DESI1: variants seen among roughly 807,000 people sequenced by gnomAD.
The protein encoded by DESI1 is desumoylating isopeptidase 1.
Under a neutral mutation model 22.4 loss-of-function variants are expected in DESI1, and 17 were observed. The ratio of observed to expected loss-of-function variants is 0.76; its 90% CI spans 0.52 to 1.14. The LOEUF (loss-of-function observed/expected upper bound fraction) is 1.14. Among genes scored for constraint, DESI1 ranks in the 50% most tolerant of loss-of-function variants. The pLI is 0.00. For missense variants in DESI1, 177 were observed against 208.9 expected (o/e 0.85, Z 0.94); for synonymous variants, 92 against 84.2 (o/e 1.09, Z -0.51).
At chr22:41,614,818 C>T (rs1336407676) in intron 1 of DESI1, among the ~76,000 whole-genome samples, 1 of 151,126 alleles carries the variant, frequency 6.6e-6, no homozygotes, top group Non-Finnish European at 1.5e-5. Flanking sequence ...CTCCTGACCT[C>T]AGGTGATCCA....
At chr22:41,619,398 CAA>C (rs2067569576) in intron 1 of DESI1, among the ~76,000 whole-genome samples, 4 of 152,166 alleles carry the variant, frequency 2.6e-5, no homozygotes, top group African/African-American at 9.7e-5. Flanking sequence ...CAGTTTACAG[CAA>C]AGTTTCTCTT....
intron 1 of DESI1, among the ~76,000 whole-genome samples, chr22:41,617,632 C>G (rs938139866): frequency 7.9e-5 from 12 of 152,158 alleles, no homozygotes; most frequent in African/African-American, 2.7e-4. Context: ...ACTAGCTTTG[C>G]TAATTCTTTC....
At chr22:41,617,692 A>G (rs2067558864) in intron 1 of DESI1, among the ~76,000 whole-genome samples, 1 of 152,276 alleles carries the variant, frequency 6.6e-6, no homozygotes, top group African/African-American at 2.4e-5. Context: ...AAAGAGGTAG[A>G]GAAGACAGAA....
At chr22:41,610,865 C>G (rs111545210) in intron 1 of DESI1, among the ~76,000 whole-genome samples, 1,890 of 116,328 alleles carry the variant, frequency 0.016, 36 homozygotes, top group African/African-American at 0.051. Context: ...AAGAGCGAAA[C>G]TCTGTCTCAA....
chr22:41,616,174 C>T (rs918193605), intron 1 of DESI1, among the ~76,000 whole-genome samples: 4 of 151,958 alleles, frequency 2.6e-5, no homozygotes, highest in African/African-American at 7.3e-5. Flanking sequence ...ACCCAGGAGG[C>T]GGAGGTTGCA....
intron 3 of DESI1, 56 bp from the exon 4 acceptor site, chr22:41,604,209 A>C: frequency 7.1e-7 from 1 of 1,410,572 alleles, no homozygotes; most frequent in Non-Finnish European, 9.9e-7. Flanking sequence ...TGAATGTTTT[A>C]ATGTGGCTTC....
chr22:41,607,409 G>A, intron 2 of DESI1, 78 bp from the exon 3 acceptor site: 2 of 1,397,388 alleles, frequency 1.4e-6, no homozygotes, highest in Non-Finnish European at 1.9e-6. Context: ...TGCAATGAGA[G>A]TAATTTCTGC....
chr22:41,602,938 T>A, intron 5 of DESI1: 1 of 598,630 alleles, frequency 1.7e-6, no homozygotes, highest in Non-Finnish European at 2.4e-6. Flanking sequence ...ACTGGGTGCT[T>A]CTGGGGAGTG....
intron 1 of DESI1, among the ~76,000 whole-genome samples, chr22:41,612,319 G>T (rs1328554238): frequency 6.6e-6 from 1 of 151,890 alleles, no homozygotes; most frequent in African/African-American, 2.4e-5. Flanking sequence ...GACCAGCCTG[G>T]CCAACATGGT....
At chr22:41,607,986 G>T in intron 1 of DESI1, 125 bp from the exon 2 acceptor site, 2 of 987,392 alleles carry the variant, frequency 2.0e-6, no homozygotes, top group Non-Finnish European at 3.1e-6. Flanking sequence ...GACTTTCTAG[G>T]AATGCAAGTC....
At chr22:41,608,187 T>C (rs976850413) in intron 1 of DESI1, among the ~76,000 whole-genome samples, 1 of 152,250 alleles carries the variant, frequency 6.6e-6, no homozygotes, top group African/African-American at 2.4e-5. Flanking sequence ...AGTAAGACTA[T>C]AGTAATACAA....
intron 1 of DESI1, among the ~76,000 whole-genome samples, chr22:41,610,283 G>A (rs559454348): frequency 3.3e-5 from 5 of 151,574 alleles, no homozygotes; most frequent in East Asian, 3.9e-4. Flanking sequence ...GGAAGCTGAG[G>A]CAGGAAAATC....
Position 41,617,389 on chromosome 22 carries a change from T to C in DESI1, c.88+3363A>G, listed in dbSNP as rs1297646347. Among the ~76,000 whole-genome samples the C allele has an allele frequency of 2.6e-5, 4 of 152,196 alleles. No homozygotes were observed. In the East Asian group the frequency reaches 7.7e-4, roughly 29 times the overall value. ...ACTCAGAAAAAAAGGGTCTGACACA[T>C]GGTAAGCTCTCAATAAATAGTGGCT... is the stretch of plus-strand genomic sequence containing the variant. On this transcript the variant is annotated intron_variant, in intron 1 of 5. Transcript: ENST00000263256.
chr22:41,619,681 AT>A (rs1296967535), intron 1 of DESI1, among the ~76,000 whole-genome samples: 1 of 152,202 alleles, frequency 6.6e-6, no homozygotes, highest in Non-Finnish European at 1.5e-5. Flanking sequence ...CGGTTGTGAG[AT>A]TAAGTTCAAT....
In DESI1 at chr22:41,620,822, G is replaced by A. The variant is rs1331092531; in HGVS notation, c.18C>T (p.Leu6=). The A allele has an allele frequency of 6.2e-7, 1 of 1,611,190 alleles. No individual in the cohort carries two copies. The highest frequency in any genetic ancestry group is 1.7e-5 in the Admixed American group (1 of 59,722). The change falls in exon 1 of 6, where the codon CTC becomes CTT. Residue 6 remains leucine, a synonymous_variant. Transcript: ENST00000263256. The stretch of plus-strand genomic sequence containing the variant: ...CGTACACGTAGAGCTTCACCGGATA[G>A]AGATTCGGCGGCTCCATTGGGACCC... The part of the protein sequence containing the change: MEPPN[L]YPVKLYVYDL...
chr22:41,607,201 G>T, intron 3 of DESI1, 61 bp downstream of exon 3: 1 of 1,460,928 alleles, frequency 6.8e-7, no homozygotes. Flanking sequence ...CAAAGCTCCT[G>T]GTCTACAGGA....
chr22:41,607,418 GC>G, intron 2 of DESI1, 87 bp from the exon 3 acceptor site: 1 of 1,335,376 alleles, frequency 7.5e-7, no homozygotes, highest in South Asian at 1.4e-5. Context: ...AGTAATTTCT[GC>G]CCAAGGATAG....
chr22:41,608,792 A>C (rs185645095), intron 1 of DESI1, among the ~76,000 whole-genome samples: 1 of 152,260 alleles, frequency 6.6e-6, no homozygotes, highest in African/African-American at 2.4e-5. Flanking sequence ...AGAGTCCATG[A>C]GAGATACTCT....
chr22:41,609,183 C>A (rs1327771099), intron 1 of DESI1, among the ~76,000 whole-genome samples: 1 of 152,084 alleles, frequency 6.6e-6, no homozygotes, highest in Non-Finnish European at 1.5e-5. Context: ...CTCAAGTGAT[C>A]CACCTGCCTC....
Sources: gnomAD v4.1 joint callset for allele counts (sites outside exome capture counted in the v4.1 genomes callset) on GRCh38, gnomAD v4.1.1 for gene constraint, MANE v1.5 for transcripts, NCBI Gene and HGNC (gene_info 2026-07-23, HGNC 2026-07-21) for gene names.